Variants in KLHL2 observed in about 807,000 individuals in gnomAD.
KLHL2 encodes the protein kelch-like protein 2.
In KLHL2, 15 loss-of-function variants were observed where a neutral mutation model predicts 75.8. The ratio of observed to expected loss-of-function variants is 0.20; its 90% CI spans 0.13 to 0.30. The LOEUF (loss-of-function observed/expected upper bound fraction) is 0.30, where lower values mean the gene tolerates loss of function less well. Among genes scored for constraint, KLHL2 ranks in the 10% least tolerant of loss-of-function variants. KLHL2 has a pLI of 1.00. For missense variants in KLHL2, 381 were observed against 741.0 expected (o/e 0.51, Z 5.64); for synonymous variants, 214 against 251.9 (o/e 0.85, Z 1.42).
chr4:165,254,101 C>T (rs1247170057), intron 4 of KLHL2, among the ~76,000 whole-genome samples: 6 of 152,208 alleles, frequency 3.9e-5, no homozygotes, highest in Non-Finnish European at 8.8e-5. Context: ...TTCAGTAGTT[C>T]GTTCTGTTTG....
At chr4:165,256,563 A>G (rs1238621886) in intron 4 of KLHL2, among the ~76,000 whole-genome samples, 3 of 151,924 alleles carry the variant, frequency 2.0e-5, no homozygotes, top group Non-Finnish European at 4.4e-5. Flanking sequence ...GTGGTGGGTA[A>G]TATTTCCCGG....
At chr4:165,300,162 G>A (rs1057152383) in intron 8 of KLHL2, among the ~76,000 whole-genome samples, 19 of 152,004 alleles carry the variant, frequency 1.2e-4, no homozygotes, top group African/African-American at 4.1e-4. Flanking sequence ...GGTGGCAGGT[G>A]CCTGTAATCT....
At chr4:165,279,568 C>A in intron 5 of KLHL2, 1 of 1,598,574 alleles carries the variant, frequency 6.3e-7, no homozygotes, top group South Asian at 1.1e-5. Context: ...AATTGAAAAC[C>A]AAAAAGCGCG....
rs548295917 is a variant in KLHL2 at position 165,207,725 on chromosome 4, C to A, written c.-152C>A. The A allele has an allele frequency of 2.7e-6, 1 of 374,406 alleles. No homozygotes were observed. Among genetic ancestry groups the A allele is most frequent in the Non-Finnish European group, 4.1e-6 (1 of 244,230 alleles). The allele number at this position is 374,406 out of a possible 1,614,324, so 23.2% of individuals were successfully genotyped here. On this transcript the variant is annotated 5_prime_UTR_variant, in exon 1 of 15. Transcript: ENST00000226725. The surrounding 1 kb of genome is among the most constrained non-coding windows in gnomAD (Gnocchi z 4.2). ...GGGCCATGGCCGCGGGGGCCGCCGC[C>A]GCAGGTGGTGGCGCGCGGTGAGGAG... is the stretch of plus-strand genomic sequence containing the variant.
intron 9 of KLHL2, among the ~76,000 whole-genome samples, chr4:165,310,149 C>T (rs746687506): frequency 8.5e-5 from 13 of 152,064 alleles, no homozygotes; most frequent in Admixed American, 2.0e-4. Flanking sequence ...CACAGTGAAA[C>T]CCCATCTCTA....
At chr4:165,224,001 G>A (rs4095550) in intron 2 of KLHL2, 10,017 of 359,880 alleles carry the variant, frequency 0.028, no homozygotes, top group East Asian at 0.052. Context: ...TGCAACCTCC[G>A]ACTCCTGGGT....
chr4:165,212,041 A>C (rs547681437), intron 1 of KLHL2, among the ~76,000 whole-genome samples: 4 of 152,298 alleles, frequency 2.6e-5, no homozygotes, highest in Admixed American at 2.6e-4. Flanking sequence ...GATCCAGAGA[A>C]GGAAATTCAC....
intron 11 of KLHL2, among the ~76,000 whole-genome samples, chr4:165,312,502 G>GA (rs926644108): frequency 6.6e-6 from 1 of 151,752 alleles, no homozygotes; most frequent in Non-Finnish European, 1.5e-5. Context: ...TGTGCACTTA[G>GA]AAAAAAACAG....
At chr4:165,285,658 C>T (rs1343962677) in intron 5 of KLHL2, among the ~76,000 whole-genome samples, 3 of 152,148 alleles carry the variant, frequency 2.0e-5, no homozygotes, top group East Asian at 1.9e-4. Context: ...CCACCTGCCT[C>T]GGCCTCCCAA....
intron 3 of KLHL2, among the ~76,000 whole-genome samples, chr4:165,235,011 A>G (rs1739218627): frequency 6.6e-6 from 1 of 152,100 alleles, no homozygotes; most frequent in Non-Finnish European, 1.5e-5. Flanking sequence ...AAAAAAAGGT[A>G]GAGATGATGT....
intron 5 of KLHL2, among the ~76,000 whole-genome samples, chr4:165,264,763 T>TATATAA (rs1742104290): frequency 9.9e-6 from 1 of 101,390 alleles, no homozygotes. Flanking sequence ...TATATATATA[T>TATATAA]ATAAAACATT....
At chr4:165,287,891 G>C (rs1052173819) in intron 5 of KLHL2, among the ~76,000 whole-genome samples, 6 of 152,100 alleles carry the variant, frequency 3.9e-5, no homozygotes, top group Non-Finnish European at 7.4e-5. Flanking sequence ...AGTTGTAGGA[G>C]ATATTTTTAT....
In KLHL2 at chr4:165,317,974, C is replaced by A; in HGVS notation, c.1753+5C>A. 1.2e-6 allele frequency: 2 copies of A among 1,611,874 alleles called. No homozygotes were observed. Among genetic ancestry groups the A allele is most frequent in the Non-Finnish European group, 1.7e-6 (2 of 1,179,224 alleles). On this transcript the variant is annotated splice_donor_5th_base_variant and intron_variant, in intron 14 of 14. Coordinates refer to ENST00000226725, the MANE Select transcript of KLHL2 (RefSeq NM_007246.4). ...GCACAGGGAGAAGTTATGCAGGTAA[C>A]AGTTGTCTCTAAAGTCAATTTCCGT...
intron 12 of KLHL2, among the ~76,000 whole-genome samples, 168 bp downstream of exon 12, chr4:165,313,534 A>G (rs1485853865): frequency 6.6e-6 from 1 of 152,224 alleles, no homozygotes; most frequent in Admixed American, 6.5e-5. Context: ...AGTAATTACA[A>G]AGTAATTTTA....
At chr4:165,253,370 C>T (rs1248626392) in intron 4 of KLHL2, among the ~76,000 whole-genome samples, 1 of 152,110 alleles carries the variant, frequency 6.6e-6, no homozygotes, top group Non-Finnish European at 1.5e-5. Flanking sequence ...AGTTTGTGTA[C>T]AATACCTAAT....
At chr4:165,209,606 A>G in intron 1 of KLHL2, 1 of 154,112 alleles carries the variant, frequency 6.5e-6, no homozygotes, top group Admixed American at 6.4e-5. Context: ...TCAGCTAATC[A>G]TAATTTTGAT....
At chr4:165,278,065 G>A in intron 5 of KLHL2, 2 of 1,537,872 alleles carry the variant, frequency 1.3e-6, no homozygotes, top group Non-Finnish European at 1.8e-6. Context: ...GCAGACTACA[G>A]AAGACACTAG....
chr4:165,289,814 A>G (rs1055292843), intron 5 of KLHL2, among the ~76,000 whole-genome samples: 2 of 152,220 alleles, frequency 1.3e-5, no homozygotes, highest in African/African-American at 4.8e-5. Context: ...ATGTAGTCAC[A>G]GTATGGAAAA....
At chr4:165,218,621 C>T (rs1346668253) in intron 1 of KLHL2, among the ~76,000 whole-genome samples, 1 of 152,178 alleles carries the variant, frequency 6.6e-6, no homozygotes, top group African/African-American at 2.4e-5. Context: ...TTCCCTTTCC[C>T]CCCACCAGAC....
Sources: allele counts gnomAD v4.1 joint callset (sites outside exome capture counted in the v4.1 genomes callset), GRCh38; gene constraint gnomAD v4.1.1; non-coding constraint Gnocchi (gnomAD v3.1); transcripts MANE v1.5; gene names NCBI Gene and HGNC (gene_info 2026-07-23, HGNC 2026-07-21).